Variants in XKR9 observed in about 807,000 individuals in gnomAD.
XKR9 encodes the protein XK-related protein 9.
Under a neutral mutation model 32.0 loss-of-function variants are expected in XKR9, and 32 were observed. The observed-to-expected ratio is 1.00, with a 90% CI of 0.76 to 1.34. The LOEUF is 1.34. Among genes scored for constraint, XKR9 ranks in the 40% most tolerant of loss-of-function variants. The probability of loss-of-function intolerance (pLI) is 0.00; values close to 1 mark genes in which losing one functional copy is unlikely to be tolerated. For missense variants in XKR9, 546 were observed against 429.7 expected (o/e 1.27, Z -2.39); for synonymous variants, 168 against 143.4 (o/e 1.17, Z -1.22).
the XKR9 span, among the ~76,000 whole-genome samples, chr8:70,823,357 C>A: frequency 6.6e-6 from 1 of 152,202 alleles, no homozygotes; most frequent in African/African-American, 2.4e-5. Context: ...CATAAAATCA[C>A]ACCACCACAG....
chr8:71,012,752 A>G, the XKR9 span, among the ~76,000 whole-genome samples: 219 of 152,300 alleles, frequency 1.4e-3, 1 homozygote, highest in African/African-American at 5.1e-3. Flanking sequence ...AGAAAGTAAG[A>G]CACAGAGAAG....
chr8:70,841,720 G>A, the XKR9 span, among the ~76,000 whole-genome samples: 2 of 152,082 alleles, frequency 1.3e-5, no homozygotes, highest in Admixed American at 1.3e-4. Context: ...CCCATGATCA[G>A]GTTATACAAA....
the XKR9 span, among the ~76,000 whole-genome samples, chr8:71,056,384 C>A: frequency 6.6e-6 from 1 of 152,002 alleles, no homozygotes; most frequent in African/African-American, 2.4e-5. Flanking sequence ...TAAAAAACTT[C>A]AGCATGGTAA....
the XKR9 span, among the ~76,000 whole-genome samples, chr8:70,847,518 A>C: frequency 6.6e-6 from 1 of 152,018 alleles, no homozygotes; most frequent in Non-Finnish European, 1.5e-5. Flanking sequence ...CAAAAAATAC[A>C]AAGTATCAAT....
At chr8:70,741,515 T>G (rs1450481335) in intron 2 of XKR9, among the ~76,000 whole-genome samples, 1 of 152,242 alleles carries the variant, frequency 6.6e-6, no homozygotes, top group Admixed American at 6.5e-5. Context: ...GTTACTGGCT[T>G]AGTTCGTTGA....
chr8:70,727,723 C>G (rs1243406512), intron 4 of XKR9, among the ~76,000 whole-genome samples: 1 of 151,804 alleles, frequency 6.6e-6, no homozygotes, highest in Non-Finnish European at 1.5e-5. Flanking sequence ...TAAAGGACAA[C>G]TTAGTGGGTA....
At chr8:70,685,095 C>A (rs1788728836) in intron 3 of XKR9, among the ~76,000 whole-genome samples, 1 of 151,318 alleles carries the variant, frequency 6.6e-6, no homozygotes, top group African/African-American at 2.4e-5. Context: ...GGAACCAACC[C>A]AAATGTCCAA....
intron 4 of XKR9, among the ~76,000 whole-genome samples, chr8:70,713,185 A>T (rs1245478189): frequency 6.6e-6 from 1 of 152,168 alleles, no homozygotes; most frequent in Non-Finnish European, 1.5e-5. Context: ...GACAGAATTA[A>T]ATAGACAATG....
At chr8:70,697,964 A>G (rs1269897814) in intron 3 of XKR9, among the ~76,000 whole-genome samples, 1 of 151,962 alleles carries the variant, frequency 6.6e-6, no homozygotes, top group Non-Finnish European at 1.5e-5. Context: ...TTTCTAGTTT[A>G]TTTGTGTAGA....
the XKR9 span, among the ~76,000 whole-genome samples, chr8:71,041,028 T>C: frequency 6.6e-6 from 1 of 152,146 alleles, no homozygotes; most frequent in Non-Finnish European, 1.5e-5. Flanking sequence ...GAAATTTGAC[T>C]CCTCATCAGT....
chr8:71,031,109 A>T, the XKR9 span, among the ~76,000 whole-genome samples: 2 of 152,212 alleles, frequency 1.3e-5, no homozygotes, highest in East Asian at 1.9e-4. Flanking sequence ...CATTCTATTT[A>T]TACTAGCTGT....
the XKR9 span, among the ~76,000 whole-genome samples, chr8:70,998,475 G>A: frequency 1.9e-3 from 287 of 152,282 alleles, 1 homozygote; most frequent in African/African-American, 6.4e-3. Flanking sequence ...TGTCTGAAAT[G>A]GAAAATGTGT....
chr8:70,694,149 G>A (rs1805174140), intron 3 of XKR9, among the ~76,000 whole-genome samples: 1 of 152,228 alleles, frequency 6.6e-6, no homozygotes, highest in South Asian at 2.1e-4. Flanking sequence ...TGAAGGCTGT[G>A]AAACAGCAAA....
intron 4 of XKR9, among the ~76,000 whole-genome samples, chr8:70,730,910 T>C (rs1806642973): frequency 6.6e-6 from 1 of 152,198 alleles, no homozygotes. Flanking sequence ...ACCATAAAAT[T>C]ACTGTCCTCT....
At chr8:70,987,192 C>A in the XKR9 span, among the ~76,000 whole-genome samples, 1 of 152,146 alleles carries the variant, frequency 6.6e-6, no homozygotes, top group South Asian at 2.1e-4. Flanking sequence ...CCTGCCAAAT[C>A]TCATGTCCTC....
At chr8:70,739,019 T>C (rs957012896), downstream of XKR9, among the ~76,000 whole-genome samples, 1 of 152,172 alleles carries the variant, frequency 6.6e-6, no homozygotes, top group Non-Finnish European at 1.5e-5. Flanking sequence ...AATTCCTGGG[T>C]ATCCTTGTTA....
At chr8:70,837,522 A>G in the XKR9 span, among the ~76,000 whole-genome samples, 3 of 152,106 alleles carry the variant, frequency 2.0e-5, no homozygotes, top group Non-Finnish European at 4.4e-5. Context: ...GATAAAGAAC[A>G]GGATGATGCT....
At chr8:70,732,456 T>C (rs1806703098) in intron 4 of XKR9, among the ~76,000 whole-genome samples, 1 of 152,226 alleles carries the variant, frequency 6.6e-6, no homozygotes, top group Non-Finnish European at 1.5e-5. Flanking sequence ...GGCAGCCACT[T>C]GGGCTGGCCT....
chr8:70,858,421 A>T, the XKR9 span, among the ~76,000 whole-genome samples: 1 of 152,182 alleles, frequency 6.6e-6, no homozygotes, highest in Admixed American at 6.6e-5. Context: ...GGTGTGAAGG[A>T]TCTCTTCAAG....
Sources: allele counts gnomAD v4.1 joint callset (sites outside exome capture counted in the v4.1 genomes callset), GRCh38; gene constraint gnomAD v4.1.1; transcripts MANE v1.5; gene names NCBI Gene and HGNC (gene_info 2026-07-23, HGNC 2026-07-21).